Variants in STK25 observed in about 807,000 individuals in gnomAD.
STK25 encodes the protein serine/threonine-protein kinase 25.
Under a neutral mutation model 53.8 loss-of-function variants are expected in STK25, and 29 were observed. The observed-to-expected ratio is 0.54, with a 90% CI of 0.40 to 0.74. The LOEUF (loss-of-function observed/expected upper bound fraction) is 0.74, where lower values mean the gene tolerates loss of function less well. Ranked by LOEUF, STK25 falls within the 30% of genes least tolerant of loss-of-function variation. STK25 has a pLI of 0.00. For missense variants in STK25, 420 were observed against 568.0 expected, an observed-to-expected ratio of 0.74 and a Z score of 2.65; for synonymous variants, 247 against 238.3, an observed-to-expected ratio of 1.04 and a Z score of -0.33.
At chr2:241,509,456 A>G (rs914393474), upstream of STK25, 1 of 152,140 alleles carries the variant, frequency 6.6e-6, no homozygotes, top group African/African-American at 2.4e-5. Flanking sequence ...AGGGATCCCC[A>G]CCTGTCCGGT....
At position 241,496,304 on chromosome 2, in the gene STK25, G is replaced by T; in HGVS notation, c.1241+94C>A. 1 of 1,470,798 alleles carries T rather than the reference G, an allele frequency of 6.8e-7. No individual in the cohort carries two copies. Among genetic ancestry groups the T allele is most frequent in the Non-Finnish European group, 9.2e-7 (1 of 1,081,288 alleles). 91.1% of individuals were successfully genotyped at this position (1,470,798 alleles called of 1,614,324 possible). ...GAAGCGAGCCCATGTAGTGCCAAAT[G>T]CAGCCACACCCACGAGTGAGCACTG... On this transcript the variant is annotated intron_variant, in intron 11 of 11. Transcript: ENST00000316586. This position sits in a 1 kb window ranked among gnomAD's most constrained non-coding sequence, Gnocchi z 5.8.
At chr2:241,508,639 G>A, upstream of STK25, 1 of 986,842 alleles carries the variant, frequency 1.0e-6, no homozygotes, top group Non-Finnish European at 1.2e-6. Flanking sequence ...ACGGCTCTCT[G>A]GGACCCCGAG....
intron 11 of STK25, among the ~76,000 whole-genome samples, 153 bp from the exon 12 acceptor site, chr2:241,495,854 G>A (rs538242326): frequency 1.3e-5 from 2 of 152,354 alleles, no homozygotes; most frequent in Admixed American, 1.3e-4. Context: ...CTCAGGAGCA[G>A]CAATGACTGG....
chr2:241,501,421 C>T lies in STK25; in HGVS notation c.261+57G>A, dbSNP rs778569973. On this transcript the variant is annotated intron_variant, in intron 3 of 11. Coordinates refer to ENST00000316586, the MANE Select transcript of STK25 (RefSeq NM_001271977.2). The surrounding 1 kb of genome is among the most constrained non-coding windows in gnomAD (Gnocchi z 5.3). ...CTGGCATGTCACTCAGTCCCTCTGA[C>T]ATGGAAGAGAGCCGGGCACAGCACC... The T allele has an allele frequency of 3.2e-6, 5 of 1,545,158 alleles. No homozygotes were observed. The highest frequency in any genetic ancestry group is 1.4e-5 in the African/African-American group (1 of 73,332).
Position 241,493,027 on chromosome 2 carries a change from A to C in STK25, c.*2635T>G, listed in dbSNP as rs1574923948. 3.8e-6 allele frequency: 6 copies of C among 1,582,414 alleles called. No individual in the cohort carries two copies. Among genetic ancestry groups the C allele is most frequent in the African/African-American group, 1.3e-5 (1 of 74,342 alleles). ...CCAACTTCTGTTTGTTCTTCTACAA[A>C]ACTCATCAGGTACTGGAGTTTCACT... On this transcript the variant is annotated 3_prime_UTR_variant, in exon 12 of 12. Transcript: ENST00000316586.
intron 2 of STK25, among the ~76,000 whole-genome samples, chr2:241,507,001 G>C (rs965269063): frequency 6.6e-6 from 1 of 152,132 alleles, no homozygotes; most frequent in Admixed American, 6.5e-5. Context: ...CTCCAAAGCA[G>C]CCCTGACTCC....
rs1321264864 is a variant in STK25, at chr2:241,494,731, G to C, written c.*931C>G. 1 of 152,248 alleles carries C rather than the reference G, an allele frequency of 6.6e-6. No individual in the cohort carries two copies. Among genetic ancestry groups the C allele is most frequent in the East Asian group, 1.9e-4 (1 of 5,198 alleles). The allele number at this position is 152,248 out of a possible 1,614,324, so 9.4% of individuals were successfully genotyped here. The stretch of plus-strand genomic sequence containing the variant: ...CCAAAGTCCCCCTGTGCCCTGGGAG[G>C]GTGGGGCCGTCTAATTTATTACTGC... On this transcript the variant is annotated 3_prime_UTR_variant, in exon 12 of 12. Transcript: ENST00000316586. The surrounding 1 kb of genome is among the most constrained non-coding windows in gnomAD (Gnocchi z 4.9).
chr2:241,506,318 A>T (rs1461895473), intron 2 of STK25, among the ~76,000 whole-genome samples: 1 of 152,224 alleles, frequency 6.6e-6, no homozygotes, highest in East Asian at 1.9e-4. Flanking sequence ...AAAGGACAAA[A>T]GGAGCTTCCT....
intron 2 of STK25, chr2:241,504,013 G>A: frequency 2.1e-6 from 1 of 471,150 alleles, no homozygotes; most frequent in South Asian, 1.5e-5. Flanking sequence ...CAGGAGGGTG[G>A]AAGGGGCGGC....
intron 5 of STK25, chr2:241,499,850 C>T: frequency 2.1e-6 from 1 of 472,812 alleles, no homozygotes. Context: ...CTGCTCTCAG[C>T]AGGGCCAGAC....
upstream of STK25, among the ~76,000 whole-genome samples, chr2:241,508,976 G>A (rs892267695): frequency 2.9e-4 from 44 of 152,176 alleles, no homozygotes; most frequent in Admixed American, 1.5e-3. Flanking sequence ...TGGTTCGAGC[G>A]GGCCAGTGAG....
rs1211275208 is a variant in STK25, at chr2:241,508,040, G to A, written c.-5C>T. ...AAATCCCCGGAGGTGAGCCATGGCC[G>A]CGCCGCCTCAGACCCTCCGCCAGCA... On this transcript the variant is annotated 5_prime_UTR_variant, in exon 2 of 12. Transcript: ENST00000316586. The A allele has an allele frequency of 1.2e-6, 2 of 1,604,684 alleles. No homozygotes were observed. The highest frequency in any genetic ancestry group is 1.1e-5 in the South Asian group (1 of 89,102).
chr2:241,494,408 G>A lies in STK25; in HGVS notation c.*1254C>T, dbSNP rs2065047967. On this transcript the variant is annotated 3_prime_UTR_variant, in exon 12 of 12. Transcript: ENST00000316586. This position sits in a 1 kb window ranked among gnomAD's most constrained non-coding sequence, Gnocchi z 4.9. ...GCTCCCAGGCCCCTGGCTCAAAGAC[G>A]CAGACAAGGCCTGAGCAGTGCTCTC... 1 of 263,536 alleles carries A rather than the reference G, an allele frequency of 3.8e-6. No individual in the cohort carries two copies. The highest frequency in any genetic ancestry group is 7.2e-6 in the Non-Finnish European group (1 of 139,390). The allele number at this position is 263,536 out of a possible 1,614,324, so 16.3% of individuals were successfully genotyped here.
Position 241,494,073 on chromosome 2 carries a change from G to T in STK25, c.*1589C>A. On this transcript the variant is annotated 3_prime_UTR_variant, in exon 12 of 12. Transcript: ENST00000316586. The surrounding 1 kb of genome is among the most constrained non-coding windows in gnomAD (Gnocchi z 4.9). ...AGGGCCCCAAGCATCGTGCAGGATG[G>T]CCCCCAACCCTCCTCAGGGCTGGAG... The T allele has an allele frequency of 4.2e-6, 6 of 1,445,488 alleles. No individual in the cohort carries two copies. The highest frequency in any genetic ancestry group is 5.4e-6 in the Non-Finnish European group (6 of 1,102,496). The allele number at this position is 1,445,488 out of a possible 1,614,324, so 89.5% of individuals were successfully genotyped here.
Position 241,494,144 on chromosome 2 carries a change from T to G in STK25, c.*1518A>C, listed in dbSNP as rs748337739. ...GGAATGACGCTCAACCTGCCCAGGT[T>G]TGGACACAACTACAAAGAACAGCAG... On this transcript the variant is annotated 3_prime_UTR_variant, in exon 12 of 12. Transcript: ENST00000316586. This position sits in a 1 kb window ranked among gnomAD's most constrained non-coding sequence, Gnocchi z 4.9. The G allele has an allele frequency of 7.1e-6, 10 of 1,417,896 alleles. No homozygotes were observed. The highest frequency in any genetic ancestry group is 9.4e-6 in the Non-Finnish European group (10 of 1,067,622). The allele number at this position is 1,417,896 out of a possible 1,614,324, so 87.8% of individuals were successfully genotyped here.
intron 1 of STK25, 22 bp downstream of exon 1, chr2:241,508,420 GC>G (rs2065991602): frequency 9.4e-7 from 1 of 1,067,578 alleles, no homozygotes; most frequent in African/African-American, 1.7e-5. Flanking sequence ...CGCCGCAAGC[GC>G]CCCGCCCGGC....
intron 2 of STK25, among the ~76,000 whole-genome samples, chr2:241,504,914 CTTCTT>C (rs1452194679): frequency 6.9e-6 from 1 of 144,964 alleles, no homozygotes; most frequent in Non-Finnish European, 1.5e-5. Context: ...AGCAGCCCCT[CTTCTT>C]TTTCTTTTTT....
chr2:241,508,014 C>T lies in STK25; in HGVS notation c.22G>A (p.Ala8Thr). 1 of 1,603,834 alleles carries T rather than the reference C, an allele frequency of 6.2e-7. No individual in the cohort carries two copies. Among genetic ancestry groups the T allele is most frequent in the Admixed American group, 1.7e-5 (1 of 58,872 alleles). The part of the protein sequence containing the change: MAHLRGF[A>T]NQHSRVDPEE... ...ACCTGCACCCTTCTCACCTGGTTGG[C>T]AAATCCCCGGAGGTGAGCCATGGCC... is the stretch of plus-strand genomic sequence containing the variant. Residue 8 changes from alanine (A) to threonine (T), a missense_variant, in exon 2 of 12, where the codon GCC becomes ACC. Ala to Thr is a moderately conservative substitution (Grantham distance 58). Coordinates refer to ENST00000316586, the MANE Select transcript of STK25 (RefSeq NM_001271977.2).
At chr2:241,508,869 C>G (rs1411644668), upstream of STK25, among the ~76,000 whole-genome samples, 1 of 152,062 alleles carries the variant, frequency 6.6e-6, no homozygotes. Flanking sequence ...GCCTCGCCCT[C>G]GCGGGTCTTC....
Sources: gnomAD v4.1 joint callset for allele counts (sites outside exome capture counted in the v4.1 genomes callset) on GRCh38, gnomAD v4.1.1 for gene constraint, Gnocchi (gnomAD v3.1) non-coding constraint, MANE v1.5 for transcripts, NCBI Gene and HGNC (gene_info 2026-07-23, HGNC 2026-07-21) for gene names.